ZNF385B: variants seen among roughly 807,000 people sequenced by gnomAD.
The protein encoded by ZNF385B is zinc finger protein 533.
In ZNF385B, 23 loss-of-function variants were observed where a neutral mutation model predicts 39.2. The ratio of observed to expected loss-of-function variants is 0.59; its 90% CI spans 0.42 to 0.83. The LOEUF (loss-of-function observed/expected upper bound fraction) is 0.83, where lower values mean the gene tolerates loss of function less well. ZNF385B is among the 40% of genes least tolerant of loss of function. ZNF385B has a pLI of 0.00. For synonymous variants in ZNF385B, 205 were observed against 222.6 expected (o/e 0.92, Z 0.70); for missense variants, 552 against 598.9 (o/e 0.92, Z 0.82).
chr2:179,691,314 C>T lies in ZNF385B; in HGVS notation c.298+78189G>A, dbSNP rs146178288. ...TTACAGTGAACATTCTTGAGAAGTT[C>T]ACCCAAGATCTGCTCTGATAAAAAA... On this transcript the variant is annotated intron_variant, in intron 3 of 9. Coordinates refer to ENST00000410066, the MANE Select transcript of ZNF385B (RefSeq NM_152520.6). 6.6e-5 allele frequency among the ~76,000 whole-genome samples: 10 copies of T among 152,266 alleles called. No homozygotes were observed. In the East Asian group the frequency reaches 1.9e-3, roughly 29 times the overall value.
At chr2:179,831,955 C>G (rs1425534893) in intron 1 of ZNF385B, among the ~76,000 whole-genome samples, 2 of 152,198 alleles carry the variant, frequency 1.3e-5, no homozygotes, top group East Asian at 3.8e-4. Flanking sequence ...AGAAATAGTT[C>G]AGGCATAAGG....
rs556849480 is a variant in ZNF385B at position 179,679,196 on chromosome 2, A to G, written c.298+90307T>C. Among the ~76,000 whole-genome samples the G allele has an allele frequency of 3.3e-5, 5 of 152,342 alleles. No homozygotes were observed. In the South Asian group the frequency reaches 1.0e-3, roughly 32 times the overall value. The stretch of plus-strand genomic sequence containing the variant: ...CAGATCCCATTTTAAATGGTGGTCC[A>G]ATAAGATTATAATAATGTATTTTTA... On this transcript the variant is annotated intron_variant, in intron 3 of 9. Coordinates refer to ENST00000410066, the MANE Select transcript of ZNF385B (RefSeq NM_152520.6).
rs990281537 is a variant in ZNF385B at position 179,550,635 on chromosome 2, T to C, written c.299-5666A>G. ...ACTATACTTTCATTAATCCTTCACCTCAACCTTGCTGTTTTCAATTTTAAA... is the reference window on the plus strand; with the variant it reads ...ACTATACTTTCATTAATCCTTCACCCCAACCTTGCTGTTTTCAATTTTAAA... On this transcript the variant is annotated intron_variant, in intron 3 of 9. Transcript: ENST00000410066. Among the ~76,000 whole-genome samples, 10 of 149,814 alleles carry C rather than the reference T, an allele frequency of 6.7e-5. 1 individual carries two copies. Among genetic ancestry groups the C allele is most frequent in the Admixed American group, 6.6e-4 (10 of 15,062 alleles).
At chr2:179,483,180 G>A (rs1396563694) in intron 6 of ZNF385B, 92 bp downstream of exon 6, 13 of 1,404,260 alleles carry the variant, frequency 9.3e-6, no homozygotes, top group Non-Finnish European at 1.3e-5. Flanking sequence ...ATCATGGAGA[G>A]TAACATGCAA....
chr2:179,767,903 T>C (rs1575454294), intron 3 of ZNF385B, among the ~76,000 whole-genome samples: 2 of 148,584 alleles, frequency 1.3e-5, no homozygotes, highest in East Asian at 3.9e-4. Context: ...AACCTAACAC[T>C]AAATATATAT....
intron 1 of ZNF385B, among the ~76,000 whole-genome samples, chr2:179,815,470 T>A (rs558667694): frequency 6.8e-6 from 1 of 147,960 alleles, no homozygotes; most frequent in East Asian, 1.9e-4. Context: ...CAGGAGCTAA[T>A]TGAAAATAGG....
intron 1 of ZNF385B, among the ~76,000 whole-genome samples, chr2:179,858,020 C>A (rs1684735551): frequency 6.6e-6 from 1 of 152,078 alleles, no homozygotes; most frequent in Non-Finnish European, 1.5e-5. Flanking sequence ...GCTTGGTTCT[C>A]TTTTGGGAAG....
intron 3 of ZNF385B, chr2:179,745,747 GC>G: frequency 6.5e-7 from 1 of 1,539,774 alleles, no homozygotes; most frequent in Non-Finnish European, 8.8e-7. Flanking sequence ...TCCTGGCAGG[GC>G]TCTCACCAGC....
chr2:179,840,518 A>C (rs1326229412), intron 1 of ZNF385B, among the ~76,000 whole-genome samples: 1 of 152,204 alleles, frequency 6.6e-6, no homozygotes, highest in Admixed American at 6.5e-5. Flanking sequence ...ACCATTTAGA[A>C]AGCCATTACC....
chr2:179,758,841 C>T (rs943411128), intron 3 of ZNF385B, among the ~76,000 whole-genome samples: 2 of 152,196 alleles, frequency 1.3e-5, no homozygotes, highest in Non-Finnish European at 2.9e-5. Context: ...ACCAATGAGT[C>T]CGGCACAAGA....
chr2:179,461,444 C>T lies in ZNF385B; in HGVS notation c.716-14674G>A, dbSNP rs531314735. On this transcript the variant is annotated intron_variant, in intron 6 of 9. Coordinates refer to ENST00000410066, the MANE Select transcript of ZNF385B (RefSeq NM_152520.6). ...ATATTTGTATGTAGAACCAACTAGA[C>T]TTATTCATTAGGTGTGGGACATTAA... 3.8e-4 allele frequency among the ~76,000 whole-genome samples: 58 copies of T among 152,280 alleles called. No individual in the cohort carries two copies. In the South Asian group the frequency reaches 0.011, roughly 30 times the overall value.
intron 3 of ZNF385B, among the ~76,000 whole-genome samples, chr2:179,570,542 AG>A (rs1685093196): frequency 6.6e-6 from 1 of 152,138 alleles, no homozygotes; most frequent in African/African-American, 2.4e-5. Flanking sequence ...TAGATTTGGA[AG>A]GGGAAGGACA....
At chr2:179,526,652 A>G (rs1179934181) in intron 4 of ZNF385B, among the ~76,000 whole-genome samples, 1 of 152,140 alleles carries the variant, frequency 6.6e-6, no homozygotes, top group African/African-American at 2.4e-5. Flanking sequence ...TTACACAGGG[A>G]GTGCATGCAC....
chr2:179,769,373 G>A, intron 3 of ZNF385B, 130 bp downstream of exon 3: 2 of 1,376,800 alleles, frequency 1.5e-6, no homozygotes, highest in Non-Finnish European at 9.7e-7. Flanking sequence ...TTACCTGTAG[G>A]AGAAAGAGTA....
At chr2:179,587,017 C>T (rs1687140174) in intron 3 of ZNF385B, among the ~76,000 whole-genome samples, 1 of 152,088 alleles carries the variant, frequency 6.6e-6, no homozygotes. Context: ...CCAGCCTGGG[C>T]AACAGAGTGA....
chr2:179,477,983 G>C (rs2053606884), intron 6 of ZNF385B, among the ~76,000 whole-genome samples: 1 of 152,134 alleles, frequency 6.6e-6, no homozygotes, highest in African/African-American at 2.4e-5. Flanking sequence ...TTAGAAAATG[G>C]TTAGTGGTTT....
chr2:179,611,244 T>A, intron 3 of ZNF385B, among the ~76,000 whole-genome samples: 1 of 152,180 alleles, frequency 6.6e-6, no homozygotes, highest in Non-Finnish European at 1.5e-5. Context: ...AAGGTTTCTA[T>A]CACGAAGAGA....
At chr2:179,615,496 A>G (rs577164095) in intron 3 of ZNF385B, among the ~76,000 whole-genome samples, 144 of 152,352 alleles carry the variant, frequency 9.5e-4, no homozygotes, top group African/African-American at 3.4e-3. Flanking sequence ...CTAATGTTTG[A>G]AAACTACTTC....
chr2:179,851,665 G>A (rs1684170845), intron 1 of ZNF385B, among the ~76,000 whole-genome samples: 1 of 152,152 alleles, frequency 6.6e-6, no homozygotes, highest in Admixed American at 6.5e-5. Flanking sequence ...AATGATCAGA[G>A]TTAGAGCTAT....
Sources: allele counts gnomAD v4.1 joint callset (sites outside exome capture counted in the v4.1 genomes callset), GRCh38; gene constraint gnomAD v4.1.1; transcripts MANE v1.5; gene names NCBI Gene and HGNC (gene_info 2026-07-23, HGNC 2026-07-21).